Variants in USP31 observed in about 807,000 individuals in gnomAD.
USP31 encodes the protein ubiquitin carboxyl-terminal hydrolase 31.
Under a neutral mutation model 119.4 loss-of-function variants are expected in USP31, and 44 were observed. The observed-to-expected ratio is 0.37, with a 90% CI of 0.29 to 0.47. The LOEUF (loss-of-function observed/expected upper bound fraction) is 0.47, where lower values mean the gene tolerates loss of function less well. USP31 is among the 20% of genes least tolerant of loss of function. USP31 has a pLI of 0.99. For missense variants in USP31, 1,643 were observed against 1,730.2 expected, an observed-to-expected ratio of 0.95 and a Z score of 0.89; for synonymous variants, 749 against 705.6, an observed-to-expected ratio of 1.06 and a Z score of -0.97.
chr16:23,111,897 GACA>G (rs1329677597), intron 1 of USP31, among the ~76,000 whole-genome samples: 2 of 152,282 alleles, frequency 1.3e-5, no homozygotes, highest in Non-Finnish European at 2.9e-5. Context: ...TTCCAATTAA[GACA>G]ACGATAACAG....
chr16:23,084,330 TG>T (rs1225561472), intron 11 of USP31, among the ~76,000 whole-genome samples: 1 of 152,238 alleles, frequency 6.6e-6, no homozygotes, highest in East Asian at 1.9e-4. Context: ...TGCGAAGCCT[TG>T]CTGTCTACTT....
At chr16:23,077,792 C>T (rs896627065) in intron 13 of USP31, among the ~76,000 whole-genome samples, 13 of 152,162 alleles carry the variant, frequency 8.5e-5, no homozygotes, top group Non-Finnish European at 1.8e-4. Context: ...GCCCTGAAAT[C>T]TGCCTGGCTC....
chr16:23,068,574 A>T lies in USP31; in HGVS notation c.3531T>A (p.Asn1177Lys). 1 of 1,614,084 alleles carries T rather than the reference A, an allele frequency of 6.2e-7. No individual in the cohort carries two copies. Among genetic ancestry groups the T allele is most frequent in the African/African-American group, 1.3e-5 (1 of 75,040 alleles). Residue 1177 changes from asparagine to lysine, a missense_variant, in exon 16 of 16, where the codon AAT becomes AAA. This residue lies in a region of USP31 where 699 missense variants were observed against 650.9 expected (regional missense o/e 1.07). Coordinates refer to ENST00000219689, the MANE Select transcript of USP31 (RefSeq NM_020718.4). ...RASATSTSKP[N>K]SPRVSQARAG... The stretch of plus-strand genomic sequence containing the variant: ...CTCGGGCCTGGCTCACCCGAGGGGA[A>T]TTGGGTTTGGAGGTGGAGGTGGCGC...
In USP31 at chr16:23,068,108, A is replaced by C; in HGVS notation, c.3997T>G (p.Ser1333Ala). The C allele has an allele frequency of 6.2e-7, 1 of 1,614,012 alleles. No individual in the cohort carries two copies. The highest frequency in any genetic ancestry group is 8.5e-7 in the Non-Finnish European group (1 of 1,179,986). Residue 1333 changes from serine to alanine, a missense_variant, in exon 16 of 16, where the codon TCC (serine) becomes GCC (alanine). By Grantham distance (99) the Ser-to-Ala change is moderately conservative (BLOSUM62 1). This residue lies in a region of USP31 where 699 missense variants were observed against 650.9 expected (regional missense o/e 1.07). Coordinates refer to ENST00000219689, the MANE Select transcript of USP31 (RefSeq NM_020718.4). Reference protein sequence around the residue: ...SPGGRQSAEKSSKKLSSSMQT... With the variant: ...SPGGRQSAEKASKKLSSSMQT... ...ATGCTAGAAGATAACTTTTTTGAGGATTTCTCTGCAGACTGCCTGCCACCC... is the reference window on the plus strand; with the variant it reads ...ATGCTAGAAGATAACTTTTTTGAGGCTTTCTCTGCAGACTGCCTGCCACCC...
At chr16:23,111,718 G>C (rs1279884069) in intron 1 of USP31, among the ~76,000 whole-genome samples, 2 of 152,130 alleles carry the variant, frequency 1.3e-5, no homozygotes, top group African/African-American at 4.8e-5. Context: ...ATTTAGGTGG[G>C]AGGCTCAAAG....
intron 7 of USP31, among the ~76,000 whole-genome samples, chr16:23,089,839 T>C (rs965711247): frequency 1.3e-5 from 2 of 152,180 alleles, no homozygotes; most frequent in Non-Finnish European, 2.9e-5. Flanking sequence ...GTGGTGCCAT[T>C]TGCCAAGATG....
chr16:23,066,343 C>A lies in USP31; in HGVS notation c.*1703G>T, dbSNP rs943993102. On this transcript the variant is annotated 3_prime_UTR_variant, in exon 16 of 16. Coordinates refer to ENST00000219689, the MANE Select transcript of USP31 (RefSeq NM_020718.4). The stretch of plus-strand genomic sequence containing the variant: ...CAGACTTGCAAGTTACCGGCTAATG[C>A]GCAAATTAGCAGCAAAATAAAGTTA... The A allele has an allele frequency of 6.6e-6, 1 of 152,364 alleles. No individual in the cohort carries two copies. The allele number at this position is 152,364 out of a possible 1,614,324, so 9.4% of individuals were successfully genotyped here. A position where few individuals can be genotyped will look rare whatever the true frequency, so the allele number is the denominator to read the frequency against.
chr16:23,072,381 G>A, intron 14 of USP31, 184 bp from the exon 15 acceptor site: 1 of 764,356 alleles, frequency 1.3e-6, no homozygotes, highest in Non-Finnish European at 2.1e-6. Context: ...CAGTTAAGAT[G>A]AAAAGATGTA....
At chr16:23,128,422 G>A (rs1489589011) in intron 1 of USP31, among the ~76,000 whole-genome samples, 2 of 152,102 alleles carry the variant, frequency 1.3e-5, no homozygotes, top group African/African-American at 4.8e-5. Flanking sequence ...AACTATAACT[G>A]ACTGAATACA....
intron 13 of USP31, among the ~76,000 whole-genome samples, chr16:23,076,298 AAAAAAAG>A (rs1432300023): frequency 1.3e-5 from 2 of 152,100 alleles, no homozygotes; most frequent in Non-Finnish European, 2.9e-5. Context: ...TAAAAAAAAA[AAAAAAAG>A]AAAAAACTTA....
At chr16:23,087,356 A>G (rs1393228549) in intron 8 of USP31, among the ~76,000 whole-genome samples, 170 bp from the exon 9 acceptor site, 2 of 152,212 alleles carry the variant, frequency 1.3e-5, no homozygotes, top group African/African-American at 4.8e-5. Flanking sequence ...TTTAAATATT[A>G]TTTACCCAAA....
At position 23,148,982 on chromosome 16, in the gene USP31, C is replaced by G. The variant is rs1387867887; in HGVS notation, c.289G>C (p.Gly97Arg). 4 of 1,033,628 alleles carry G rather than the reference C, an allele frequency of 3.9e-6. No individual in the cohort carries two copies. Among genetic ancestry groups the G allele is most frequent in the Non-Finnish European group, 4.7e-6 (4 of 855,238 alleles). 64.0% of individuals were successfully genotyped at this position (1,033,628 alleles called of 1,614,324 possible). Residue 97 changes from glycine to arginine, a missense_variant, in exon 1 of 16, where the codon GGG becomes CGG. Physicochemically the swap from Gly to Arg is moderately radical, Grantham distance 125. Around this residue, in one of 5 missense-constraint regions of USP31, gnomAD observed 302 missense variants for 262.6 expected, o/e 1.15. Transcript: ENST00000219689. ...RGGLRSCFPP[G>R]PAAAPTPPPC... The stretch of plus-strand genomic sequence containing the variant: ...GGCGGCGTGGGCGCGGCGGCCGGCC[C>G]GGGCGGGAAGCAGCTGCGGAGGCCG...
At chr16:23,123,878 T>C (rs906479919) in intron 1 of USP31, among the ~76,000 whole-genome samples, 17 of 151,864 alleles carry the variant, frequency 1.1e-4, no homozygotes, top group African/African-American at 4.1e-4. Flanking sequence ...CGCACACCTG[T>C]GGTCCCAGCT....
chr16:23,127,280 A>G (rs916052658), intron 1 of USP31, among the ~76,000 whole-genome samples: 10 of 152,028 alleles, frequency 6.6e-5, no homozygotes, highest in African/African-American at 2.4e-4. Flanking sequence ...ATAAAAAACT[A>G]GCTGGGCATG....
intron 11 of USP31, 64 bp downstream of exon 11, chr16:23,084,796 T>C (rs1030151928): frequency 2.5e-6 from 4 of 1,592,708 alleles, no homozygotes; most frequent in Non-Finnish European, 3.4e-6. Flanking sequence ...TTCTCCACTA[T>C]CACCTTGCCA....
chr16:23,071,508 T>A (rs1287044857), intron 15 of USP31, among the ~76,000 whole-genome samples: 3 of 151,990 alleles, frequency 2.0e-5, no homozygotes, highest in Non-Finnish European at 4.4e-5. Context: ...TTTATCGGAC[T>A]TTTTACTATC....
chr16:23,124,997 G>A (rs1002453843), intron 1 of USP31, among the ~76,000 whole-genome samples: 7 of 152,282 alleles, frequency 4.6e-5, no homozygotes, highest in Admixed American at 1.3e-4. Flanking sequence ...GAGGTGGAAC[G>A]TACTTCTCAT....
chr16:23,142,302 G>C (rs1903375394), intron 1 of USP31, among the ~76,000 whole-genome samples: 1 of 152,220 alleles, frequency 6.6e-6, no homozygotes, highest in South Asian at 2.1e-4. Flanking sequence ...TGTTGAAACA[G>C]TCTGAAAGGA....
At chr16:23,145,414 C>T (rs1340602176) in intron 1 of USP31, among the ~76,000 whole-genome samples, 2 of 152,162 alleles carry the variant, frequency 1.3e-5, no homozygotes, top group African/African-American at 2.4e-5. Context: ...CTCTTCATAG[C>T]TCCCTGGGAG....
Sources: gnomAD v4.1 joint callset for allele counts (sites outside exome capture counted in the v4.1 genomes callset) on GRCh38, gnomAD v4.1.1 for gene constraint, gnomAD v4.1.1 regional missense constraint, MANE v1.5 for transcripts, NCBI Gene and HGNC (gene_info 2026-07-23, HGNC 2026-07-21) for gene names.